ZDBF2: variants seen among roughly 807,000 people sequenced by gnomAD.
ZDBF2 encodes DBF4-type zinc finger-containing protein 2.
Under a neutral mutation model 9.4 loss-of-function variants are expected in ZDBF2, and 6 were observed. That is an observed-to-expected ratio of 0.64 (90% CI 0.35 to 1.27). The LOEUF (loss-of-function observed/expected upper bound fraction) is 1.27, where lower values mean the gene tolerates loss of function less well. Ranked by LOEUF, ZDBF2 falls within the 50% of genes most tolerant of loss-of-function variation. The probability of loss-of-function intolerance (pLI) is 0.03; values close to 1 mark genes in which losing one functional copy is unlikely to be tolerated. For synonymous variants in ZDBF2, 905 were observed against 946.3 expected (o/e 0.96, Z 0.80); for missense variants, 2,697 against 2,766.8 (o/e 0.97, Z 0.57).
At chr2:206,277,720 T>C (rs1037632091) in intron 1 of ZDBF2, among the ~76,000 whole-genome samples, 2 of 111,722 alleles carry the variant, frequency 1.8e-5, no homozygotes, top group African/African-American at 6.4e-5. Context: ...AAACTCTAGC[T>C]AATCTGTCCA....
At chr2:206,291,015 A>G (rs1293302983) in intron 3 of ZDBF2, among the ~76,000 whole-genome samples, 1 of 152,198 alleles carries the variant, frequency 6.6e-6, no homozygotes, top group Non-Finnish European at 1.5e-5. Context: ...ATGAAAGGGT[A>G]TAGGCTTTTG....
Position 206,308,852 on chromosome 2 carries a change from C to G in ZDBF2, c.4324C>G (p.Leu1442Val), listed in dbSNP as rs528486721. The change falls in exon 5 of 5, where the codon CTA becomes GTA. Residue 1442 changes from leucine (L) to valine (V), a missense_variant. By Grantham distance (32) the Leu-to-Val change is conservative. This residue lies in a region of ZDBF2 where 1,783 missense variants were observed against 1,776.5 expected (regional missense o/e 1.00). Transcript: ENST00000374423. The stretch of plus-strand genomic sequence containing the variant: ...CTTGCAAAAGAAGGATCATAATGAT[C>G]TAGAAAATAAGAACTGTGAAGTCTG... ...INLQKKDHND[L>V]ENKNCEVCGS... is the part of the protein sequence containing the mutation. 3.7e-6 allele frequency: 6 copies of G among 1,613,292 alleles called. No individual in the cohort carries two copies. In the South Asian group the frequency reaches 4.4e-5, roughly 12 times the overall value.
At chr2:206,295,886 G>A (rs989942038) in intron 3 of ZDBF2, among the ~76,000 whole-genome samples, 1 of 152,094 alleles carries the variant, frequency 6.6e-6, no homozygotes, top group Admixed American at 6.5e-5. Flanking sequence ...TGTAGAGAGA[G>A]TTACAAGACT....
In ZDBF2 at chr2:206,304,881, A is replaced by T; in HGVS notation, c.353A>T (p.His118Leu). 5 of 1,613,792 alleles carry T rather than the reference A, an allele frequency of 3.1e-6. No individual in the cohort carries two copies. Among genetic ancestry groups the T allele is most frequent in the Non-Finnish European group, 4.2e-6 (5 of 1,179,810 alleles). ...SEVSEPIEELHSRPHKSQEGT... is the reference protein window; with the variant it reads ...SEVSEPIEELLSRPHKSQEGT... ...GTTTCAGAACCTATTGAAGAGTTAC[A>T]TTCCAGACCTCATAAATCTCAGGAA... The change falls in exon 5 of 5, where the codon CAT (histidine) becomes CTT (leucine). Residue 118 changes from histidine to leucine, a missense_variant. Physicochemically the swap from His to Leu is moderately conservative, Grantham distance 99. This residue lies in a region of ZDBF2 where 910 missense variants were observed against 973.6 expected (regional missense o/e 0.93). Coordinates refer to ENST00000374423, the MANE Select transcript of ZDBF2 (RefSeq NM_020923.3).
intron 4 of ZDBF2, among the ~76,000 whole-genome samples, chr2:206,301,481 A>G (rs183107892): frequency 1.7e-4 from 26 of 152,040 alleles, no homozygotes; most frequent in African/African-American, 5.5e-4. Flanking sequence ...TTGTATCTCT[A>G]ATTATCCTTG....
intron 1 of ZDBF2, among the ~76,000 whole-genome samples, chr2:206,277,311 T>TAA (rs938302607): frequency 1.5e-5 from 2 of 137,794 alleles, no homozygotes; most frequent in Admixed American, 7.3e-5. Flanking sequence ...AATATTTCTT[T>TAA]AAAAAAAAAA....
intron 3 of ZDBF2, among the ~76,000 whole-genome samples, chr2:206,288,611 A>G (rs781387791): frequency 5.3e-5 from 8 of 152,152 alleles, no homozygotes; most frequent in South Asian, 2.1e-4. Flanking sequence ...TTATGAACCT[A>G]TTGTTGCACT....
intron 3 of ZDBF2, among the ~76,000 whole-genome samples, chr2:206,293,628 C>A (rs1343778919): frequency 1.3e-5 from 2 of 152,000 alleles, no homozygotes; most frequent in Non-Finnish European, 2.9e-5. Context: ...CTTGAACAGA[C>A]CCAATGTAAA....
chr2:206,276,680 C>G (rs1405168564), intron 1 of ZDBF2, among the ~76,000 whole-genome samples: 1 of 152,242 alleles, frequency 6.6e-6, no homozygotes, highest in Non-Finnish European at 1.5e-5. Flanking sequence ...CAAGATACCT[C>G]TTTTCTCTCA....
chr2:206,304,556 C>T (rs1007672484), intron 4 of ZDBF2, among the ~76,000 whole-genome samples, 161 bp from the exon 5 acceptor site: 1 of 152,218 alleles, frequency 6.6e-6, no homozygotes, highest in Non-Finnish European at 1.5e-5. Flanking sequence ...GTAATTCCCC[C>T]TCTGTGGTCC....
At chr2:206,295,777 A>G (rs1692142361) in intron 3 of ZDBF2, among the ~76,000 whole-genome samples, 1 of 152,166 alleles carries the variant, frequency 6.6e-6, no homozygotes, top group Non-Finnish European at 1.5e-5. Context: ...ATGGAATAGC[A>G]CTGTGTTTGG....
At position 206,309,151 on chromosome 2, in the gene ZDBF2, A is replaced by G. The variant is rs1461007469; in HGVS notation, c.4623A>G (p.Ser1541=). ...GTGATAGTGATTATGAAGTAATTTC[A>G]GATGATATTCCCCTTCAGTTAGTGA... ...VPGDSDYEVI[S]DDIPLQLVTD... Residue 1541 remains serine (S), a synonymous_variant, in exon 5 of 5, where the codon TCA becomes TCG. Transcript: ENST00000374423. 53 of 1,612,480 alleles carry G rather than the reference A, an allele frequency of 3.3e-5. 2 individuals carry two copies. The Admixed American group carries it at 8.7e-4, about 26-fold the overall frequency.
rs1370431830 is a variant in ZDBF2, at chr2:206,310,581, A to C, written c.6053A>C (p.Lys2018Thr). ...TGTGTTCTTTCTTCTTTAAATATTA[A>C]ACTGAAAGAGGGTGAAGGCCTTCCT... The part of the protein sequence containing the change: ...LVCVLSSLNI[K>T]LKEGEGLPFP... Residue 2018 changes from lysine to threonine, a missense_variant, in exon 5 of 5, where the codon AAA becomes ACA. By Grantham distance (78) the Lys-to-Thr change is moderately conservative. This residue lies in a region of ZDBF2 where 1,783 missense variants were observed against 1,776.5 expected (regional missense o/e 1.00). Coordinates refer to ENST00000374423, the MANE Select transcript of ZDBF2 (RefSeq NM_020923.3). 6.2e-7 allele frequency: 1 copy of C among 1,611,944 alleles called. No homozygotes were observed. Among genetic ancestry groups the C allele is most frequent in the East Asian group, 2.2e-5 (1 of 44,860 alleles).
In ZDBF2 at chr2:206,311,913, C is replaced by A. The variant is rs1574428507; in HGVS notation, c.*320C>A. ...CCTCTTATTTTTTATGATTATCTCT[C>A]TCATGCCAGCAAATTTAACATTGTG... is the stretch of plus-strand genomic sequence containing the variant. On this transcript the variant is annotated 3_prime_UTR_variant, in exon 5 of 5. Coordinates refer to ENST00000374423, the MANE Select transcript of ZDBF2 (RefSeq NM_020923.3). The A allele has an allele frequency of 5.9e-6, 1 of 170,406 alleles. No individual in the cohort carries two copies. Among genetic ancestry groups the A allele is most frequent in the African/African-American group, 2.4e-5 (1 of 42,212 alleles). The allele number at this position is 170,406 out of a possible 1,614,324, so 10.6% of individuals were successfully genotyped here. A position where few individuals can be genotyped will look rare whatever the true frequency, so the allele number is the denominator to read the frequency against.
Position 206,305,739 on chromosome 2 carries a change from C to T in ZDBF2, c.1211C>T (p.Ser404Leu). 1 of 1,613,728 alleles carries T rather than the reference C, an allele frequency of 6.2e-7. No individual in the cohort carries two copies. The highest frequency in any genetic ancestry group is 8.5e-7 in the Non-Finnish European group (1 of 1,179,798). ...GAAGATAACTATGAGTCTAGAGGTT[C>T]AGAAATGAGTTTTGATTGCAGTTCC... is the stretch of plus-strand genomic sequence containing the variant. ...DQEDNYESRG[S>L]EMSFDCSSSF... The change falls in exon 5 of 5, where the codon TCA becomes TTA. Residue 404 changes from serine to leucine, a missense_variant. Ser to Leu is a moderately radical substitution (Grantham distance 145, BLOSUM62 -2). This residue lies in a region of ZDBF2 where 910 missense variants were observed against 973.6 expected (regional missense o/e 0.93). Coordinates refer to ENST00000374423, the MANE Select transcript of ZDBF2 (RefSeq NM_020923.3).
At chr2:206,283,043 G>A (rs1016112936) in intron 3 of ZDBF2, among the ~76,000 whole-genome samples, 6 of 152,136 alleles carry the variant, frequency 3.9e-5, no homozygotes, top group Non-Finnish European at 5.9e-5. Flanking sequence ...CATGCATCAC[G>A]ACCTCGTTCC....
At position 206,311,674 on chromosome 2, in the gene ZDBF2, C is replaced by A. The variant is rs1196221845; in HGVS notation, c.*81C>A. The A allele has an allele frequency of 3.1e-6, 4 of 1,291,932 alleles. No homozygotes were observed. The highest frequency in any genetic ancestry group is 4.0e-6 in the Non-Finnish European group (4 of 1,001,602). 80.0% of individuals were successfully genotyped at this position (1,291,932 alleles called of 1,614,324 possible). The stretch of plus-strand genomic sequence containing the variant: ...TTGGTACTTTGTGCACACAGCTTTC[C>A]CAGCTTTGGTGAGAAAACTAATCTT... On this transcript the variant is annotated 3_prime_UTR_variant, in exon 5 of 5. Coordinates refer to ENST00000374423, the MANE Select transcript of ZDBF2 (RefSeq NM_020923.3).
Position 206,305,582 on chromosome 2 carries a change from G to T in ZDBF2, c.1054G>T (p.Ala352Ser), listed in dbSNP as rs759643266. ...AAAGCATTTGGTTTTTAACAAGACAGCCTTTTGGGAACAGAAGTGCTCAGT... is the reference window on the plus strand; with the variant it reads ...AAAGCATTTGGTTTTTAACAAGACATCCTTTTGGGAACAGAAGTGCTCAGT... ...EEKHLVFNKT[A>S]FWEQKCSVSS... The change falls in exon 5 of 5, where the codon GCC becomes TCC. Residue 352 changes from alanine (A) to serine (S), a missense_variant. Ala to Ser is a moderately conservative substitution (Grantham distance 99, BLOSUM62 1). This residue lies in a region of ZDBF2 where 910 missense variants were observed against 973.6 expected (regional missense o/e 0.93). Transcript: ENST00000374423. 2.5e-6 allele frequency: 4 copies of T among 1,613,676 alleles called. No homozygotes were observed. The African/African-American group carries it at 5.3e-5, about 22-fold the overall frequency.
At position 206,311,616 on chromosome 2, in the gene ZDBF2, A is replaced by G. The variant is rs1403226507; in HGVS notation, c.*23A>G. 2 of 1,457,116 alleles carry G rather than the reference A, an allele frequency of 1.4e-6. No individual in the cohort carries two copies. The highest frequency in any genetic ancestry group is 1.4e-5 in the African/African-American group (1 of 70,922). 90.3% of individuals were successfully genotyped at this position (1,457,116 alleles called of 1,614,324 possible). ...TAGAAGTTGGTTTTGTGTTCAGGCTAGTTGAGGATTCAGTACTTCAGTTGA... is the reference window on the plus strand; with the variant it reads ...TAGAAGTTGGTTTTGTGTTCAGGCTGGTTGAGGATTCAGTACTTCAGTTGA... On this transcript the variant is annotated 3_prime_UTR_variant, in exon 5 of 5. Transcript: ENST00000374423.
Sources: gnomAD v4.1 joint callset for allele counts (sites outside exome capture counted in the v4.1 genomes callset) on GRCh38, gnomAD v4.1.1 for gene constraint, gnomAD v4.1.1 regional missense constraint, MANE v1.5 for transcripts, NCBI Gene and HGNC (gene_info 2026-07-23, HGNC 2026-07-21) for gene names.